The following RGMA variants were observed in gnomAD, a reference collection of about 807,000 sequenced individuals.
The protein encoded by RGMA is repulsive guidance molecule A.
In RGMA, 10 loss-of-function variants were observed where a neutral mutation model predicts 23.2. The ratio of observed to expected loss-of-function variants is 0.43; its 90% CI spans 0.27 to 0.73. RGMA has a LOEUF of 0.73. Among genes scored for constraint, RGMA ranks in the 30% least tolerant of loss-of-function variants. The pLI is 0.20. For synonymous variants in RGMA, 308 were observed against 279.3 expected (o/e 1.10, Z -1.03); for missense variants, 547 against 630.5 (o/e 0.87, Z 1.42).
chr15:93,082,851 A>T (rs998814250), intron 1 of RGMA, among the ~76,000 whole-genome samples: 1 of 152,262 alleles, frequency 6.6e-6, no homozygotes, highest in Non-Finnish European at 1.5e-5. Context: ...AATGTGAGTT[A>T]AATAGATTTA....
chr15:93,084,444 G>A (rs1355870227), intron 1 of RGMA, among the ~76,000 whole-genome samples: 4 of 152,136 alleles, frequency 2.6e-5, no homozygotes, highest in South Asian at 2.1e-4. Context: ...CACCTCAAAC[G>A]ATCAGATGTC....
chr15:93,066,206 T>A, intron 2 of RGMA: 1 of 1,415,680 alleles, frequency 7.1e-7, no homozygotes, highest in Non-Finnish European at 1.0e-6. Flanking sequence ...AATTCCACAG[T>A]CTCCTCATCT....
chr15:93,044,979 T>A lies in RGMA; in HGVS notation c.*19A>T. ...AAGCCGAGAGGACGGAGCCCGCGCC[T>A]CCCTCCACATCTACGCGTCTAGCAG... On this transcript the variant is annotated 3_prime_UTR_variant, in exon 4 of 4. Transcript: ENST00000329082. 1 of 1,574,826 alleles carries A rather than the reference T, an allele frequency of 6.3e-7. No individual in the cohort carries two copies. The highest frequency in any genetic ancestry group is 1.4e-5 in the African/African-American group (1 of 73,980).
At chr15:93,067,339 C>T (rs565371808) in intron 2 of RGMA, among the ~76,000 whole-genome samples, 44 of 152,168 alleles carry the variant, frequency 2.9e-4, no homozygotes, top group African/African-American at 7.0e-4. Context: ...CAAACAGAAA[C>T]ACACACAAAA....
Position 93,052,050 on chromosome 15 carries a change from G to T in RGMA, c.588C>A (p.Asn196Lys), listed in dbSNP as rs748027363. ...GCACAGGCGTGTTGGTGACCTGCACGTTCAGGTAATTATTGTCGATGAGCG... is the reference window on the plus strand; with the variant it reads ...GCACAGGCGTGTTGGTGACCTGCACTTTCAGGTAATTATTGTCGATGAGCG... ...AWPLIDNNYL[N>K]VQVTNTPVLP... is the part of the protein sequence containing the mutation. Residue 196 changes from asparagine to lysine, a missense_variant, in exon 3 of 4, where the codon AAC (asparagine) becomes AAA (lysine). By Grantham distance (94) the Asn-to-Lys change is moderately conservative. This residue lies in a region of RGMA where 128 missense variants were observed against 191.7 expected (regional missense o/e 0.67). Coordinates refer to ENST00000329082, the MANE Select transcript of RGMA (RefSeq NM_020211.3). The T allele has an allele frequency of 6.2e-7, 1 of 1,611,954 alleles. No individual in the cohort carries two copies.
intron 1 of RGMA, chr15:93,074,072 C>T (rs1895428310): frequency 1.6e-6 from 2 of 1,253,042 alleles, no homozygotes; most frequent in South Asian, 2.2e-5. Flanking sequence ...GTTCTGCTGC[C>T]GTTGTGATAT....
chr15:93,066,349 C>A lies in RGMA; in HGVS notation c.130+6567G>T, dbSNP rs958886680. ...TTGAACCATTTGACAGTGCCCAGGA[C>A]TCGGAGTGCCAGCAGCACCAGCTTG... On this transcript the variant is annotated intron_variant, in intron 2 of 3. Transcript: ENST00000329082. The A allele has an allele frequency of 9.1e-6, 7 of 768,104 alleles. No homozygotes were observed. The African/African-American group carries it at 1.2e-4, about 13-fold the overall frequency. The allele number at this position is 768,104 out of a possible 1,614,324, so 47.6% of individuals were successfully genotyped here.
At chr15:93,088,213 TGCACCCGA>T (rs1243912607) in intron 1 of RGMA, 2 of 874,754 alleles carry the variant, frequency 2.3e-6, no homozygotes, top group Non-Finnish European at 2.7e-6. Context: ...AATCCCGAAT[TGCACCCGA>T]GCGTCCCCCA....
intron 1 of RGMA, among the ~76,000 whole-genome samples, chr15:93,076,134 A>G (rs1486763393): frequency 6.6e-6 from 1 of 152,234 alleles, no homozygotes; most frequent in East Asian, 1.9e-4. Flanking sequence ...CATAGAGTCT[A>G]ACCAAGTATG....
chr15:93,038,569 G>GT lies in RGMA; in HGVS notation c.*6428dup, dbSNP rs1185571787. On this transcript the variant is annotated 3_prime_UTR_variant, in exon 4 of 4. Coordinates refer to ENST00000329082, the MANE Select transcript of RGMA (RefSeq NM_020211.3). ...GCCTTAATGAACGAAACTGTTAGTTGTTTTTTTTTTTTTTTTGAGACGGTG... is the reference window on the plus strand; with the variant it reads ...GCCTTAATGAACGAAACTGTTAGTTGTTTTTTTTTTTTTTTTTGAGACGGTG... 0.01 allele frequency: 1,026 copies of GT among 100,222 alleles called. 132 individuals carry two copies. The highest frequency in any genetic ancestry group is 0.016 in the Non-Finnish European group (685 of 42,812). The allele number at this position is 100,222 out of a possible 1,614,324, so 6.2% of individuals were successfully genotyped here. A position where few individuals can be genotyped will look rare whatever the true frequency, so the allele number is the denominator to read the frequency against.
rs968788112 is a variant in RGMA, at chr15:93,035,802, A to C, written c.*9196T>G. On this transcript the variant is annotated 3_prime_UTR_variant, in exon 4 of 4. Transcript: ENST00000329082. ...CAATGGCTTTCCCTGCGGTCTCCCA[A>C]GGGGCTTTGCGCCAGTATGAGCTTA... The C allele has an allele frequency of 1.3e-5, 2 of 152,216 alleles. No homozygotes were observed. Among genetic ancestry groups the C allele is most frequent in the Non-Finnish European group, 2.9e-5 (2 of 68,064 alleles). 9.4% of individuals were successfully genotyped at this position (152,216 alleles called of 1,614,324 possible).
chr15:93,074,025 A>G (rs1596104913), intron 1 of RGMA: 1 of 1,379,964 alleles, frequency 7.2e-7, no homozygotes, highest in East Asian at 2.8e-5. Flanking sequence ...TTTCTGGGAA[A>G]GAAACATCTC....
chr15:93,082,422 C>A (rs1474221492), intron 1 of RGMA, among the ~76,000 whole-genome samples: 1 of 152,240 alleles, frequency 6.6e-6, no homozygotes, highest in East Asian at 1.9e-4. Flanking sequence ...ATTTCCATTT[C>A]ACAAACGAGA....
intron 1 of RGMA, among the ~76,000 whole-genome samples, chr15:93,075,133 T>A: frequency 6.9e-6 from 1 of 145,898 alleles, no homozygotes; most frequent in African/African-American, 2.5e-5. Flanking sequence ...AAAAAAGAAA[T>A]CTTCAACTAT....
chr15:93,052,542 C>T, intron 2 of RGMA, 35 bp from the exon 3 acceptor site: 1 of 1,519,358 alleles, frequency 6.6e-7, no homozygotes, highest in Non-Finnish European at 8.8e-7. Context: ...CGTCGGGGTG[C>T]AGCCTGGCAA....
intron 2 of RGMA, among the ~76,000 whole-genome samples, chr15:93,058,731 C>T (rs4777757): frequency 0.32 from 48,421 of 151,522 alleles, 9,840 homozygotes; most frequent in East Asian, 0.8. Context: ...AGCCCTCAGC[C>T]CCCAAGCTGC....
At chr15:93,088,225 T>TCCCC in intron 1 of RGMA, 2 of 864,696 alleles carry the variant, frequency 2.3e-6, no homozygotes, top group Non-Finnish European at 2.8e-6. Context: ...CACCCGAGCG[T>TCCCC]CCCCCACACC....
intron 2 of RGMA, chr15:93,066,481 G>A: frequency 1.8e-6 from 1 of 547,662 alleles, no homozygotes; most frequent in Non-Finnish European, 3.4e-6. Flanking sequence ...AGGCACCAAG[G>A]GGGTCCCATC....
chr15:93,044,735 C>G lies in RGMA; in HGVS notation c.*263G>C, dbSNP rs1041907307. Reference sequence around the variant, plus strand: ...AGCCTGAGGGGATGTTTCACACATTCACACTGCAGGGGCGGGGCGAGGGGA... The same window carrying G: ...AGCCTGAGGGGATGTTTCACACATTGACACTGCAGGGGCGGGGCGAGGGGA... On this transcript the variant is annotated 3_prime_UTR_variant, in exon 4 of 4. Coordinates refer to ENST00000329082, the MANE Select transcript of RGMA (RefSeq NM_020211.3). 1.9e-6 allele frequency: 1 copy of G among 523,980 alleles called. No homozygotes were observed. 32.5% of individuals were successfully genotyped at this position (523,980 alleles called of 1,614,324 possible). A position where few individuals can be genotyped will look rare whatever the true frequency, so the allele number is the denominator to read the frequency against.
Sources: gnomAD v4.1 joint callset for allele counts (sites outside exome capture counted in the v4.1 genomes callset) on GRCh38, gnomAD v4.1.1 for gene constraint, gnomAD v4.1.1 regional missense constraint, MANE v1.5 for transcripts, NCBI Gene and HGNC (gene_info 2026-07-23, HGNC 2026-07-21) for gene names.